The following ZNF302 variants were observed in gnomAD, a reference collection of about 807,000 sequenced individuals.
ZNF302 encodes zinc finger protein 327.
Under a neutral mutation model 10.8 loss-of-function variants are expected in ZNF302, and 12 were observed. That is an observed-to-expected ratio of 1.11 (90% CI 0.71 to 1.79). ZNF302 has a LOEUF of 1.79. Among genes scored for constraint, ZNF302 ranks in the 40% most tolerant of loss-of-function variants. ZNF302 has a pLI of 0.00. For synonymous variants in ZNF302, 178 were observed against 157.5 expected, an observed-to-expected ratio of 1.13 and a Z score of -0.98; for missense variants, 461 against 471.1, an observed-to-expected ratio of 0.98 and a Z score of 0.20.
Position 34,685,249 on chromosome 19 carries a change from A to G in ZNF302, c.*12A>G. 2 of 1,613,412 alleles carry G rather than the reference A, an allele frequency of 1.2e-6. No individual in the cohort carries two copies. Among genetic ancestry groups the G allele is most frequent in the Non-Finnish European group, 8.5e-7 (1 of 1,179,654 alleles). On this transcript the variant is annotated 3_prime_UTR_variant, in exon 5 of 5. Transcript: ENST00000505242. ...CGTTTGAAGTTTAGAAATGCAGGAA[A>G]TCCTTCAACCAGCTTGAATCACTGA...
chr19:34,676,428 G>C (rs1208325966), upstream of ZNF302: 1 of 152,194 alleles, frequency 6.6e-6, no homozygotes, highest in Non-Finnish European at 1.5e-5. Flanking sequence ...CCTCAGCTCC[G>C]AGAAATTGAA....
upstream of ZNF302, chr19:34,676,563 T>C (rs1441254378): frequency 6.6e-6 from 1 of 152,120 alleles, no homozygotes; most frequent in Non-Finnish European, 1.5e-5. Flanking sequence ...GGAGTACCCA[T>C]TGTTTCTTTA....
At position 34,682,886 on chromosome 19, in the gene ZNF302, T is replaced by C. The variant is rs775192370; in HGVS notation, c.119T>C (p.Leu40Pro). 6.2e-7 allele frequency: 1 copy of C among 1,613,830 alleles called. No homozygotes were observed. Among genetic ancestry groups the C allele is most frequent in the Admixed American group, 1.7e-5 (1 of 60,012 alleles). ...GTGATGGTCCAGAATTATGAGAACC[T>C]GGTCTCTGTAGGTAAGGATATCACC... Reference protein sequence around the residue: ...KDVMVQNYENLVSVGLSVTKP... With the variant: ...KDVMVQNYENPVSVGLSVTKP... The change falls in exon 3 of 5, where the codon CTG (leucine) becomes CCG (proline). Residue 40 changes from leucine to proline, a missense_variant. Transcript: ENST00000505242.
chr19:34,679,833 G>T (rs780741018), intron 2 of ZNF302: 4 of 702,670 alleles, frequency 5.7e-6, no homozygotes, highest in South Asian at 3.0e-5. Context: ...TATAGCGTCA[G>T]TACCCAGAGT....
intron 2 of ZNF302, 134 bp from the exon 3 acceptor site, chr19:34,682,643 C>A (rs919908403): frequency 2.2e-6 from 3 of 1,333,448 alleles, no homozygotes; most frequent in Non-Finnish European, 2.1e-6. Context: ...ACTTACCTGA[C>A]ATCACATTCC....
In ZNF302 at chr19:34,683,157, C is replaced by CTATATT. The variant is rs2068448620; in HGVS notation, c.134_135insATATTT (p.Leu45_Ser46insTyrPhe). 1 of 1,614,060 alleles carries CTATATT rather than the reference C, an allele frequency of 6.2e-7. No homozygotes were observed. The highest frequency in any genetic ancestry group is 1.3e-5 in the African/African-American group (1 of 75,030). On this transcript the variant is annotated inframe_insertion, in exon 4 of 5. Transcript: ENST00000505242. ...TTCTATATTTTTCCTGTAAGCAGGTCTTTCCGTAACTAAGCCATATGTGAT... is the reference window on the plus strand; with the variant it reads ...TTCTATATTTTTCCTGTAAGCAGGTCTATATTTTTCCGTAACTAAGCCATATGTGAT...
Position 34,684,896 on chromosome 19 carries a change from T to G in ZNF302, c.859T>G (p.Cys287Gly), listed in dbSNP as rs371231840. 35 of 1,613,970 alleles carry G rather than the reference T, an allele frequency of 2.2e-5. No individual in the cohort carries two copies. The highest frequency in any genetic ancestry group is 2.9e-5 in the Non-Finnish European group (34 of 1,179,872). ...TCACACGGGAGAGAAACCGTATGAA[T>G]GTATGAACTGTGGAAAGTCTTTTAG... The part of the protein sequence containing the change: ...STHTGEKPYE[C>G]MNCGKSFSRV... The change falls in exon 5 of 5, where the codon TGT becomes GGT. Residue 287 changes from cysteine to glycine, a missense_variant. Cys to Gly is a radical substitution (Grantham distance 159). Coordinates refer to ENST00000505242, the MANE Select transcript of ZNF302 (RefSeq NM_001289187.2).
At chr19:34,677,269 G>C (rs1322784436), upstream of ZNF302, 1 of 152,148 alleles carries the variant, frequency 6.6e-6, no homozygotes, top group Admixed American at 6.5e-5. Context: ...TACCAGCAAG[G>C]GCTGCCCATG....
At chr19:34,678,909 A>G in intron 2 of ZNF302, 96 bp downstream of exon 2, 1 of 1,426,928 alleles carries the variant, frequency 7.0e-7, no homozygotes, top group African/African-American at 1.4e-5. Flanking sequence ...AATCAAGTCC[A>G]TTTAAGGGAC....
At chr19:34,684,104 T>C in intron 4 of ZNF302, 148 bp from the exon 5 acceptor site, 10 of 1,524,994 alleles carry the variant, frequency 6.6e-6, no homozygotes, top group Non-Finnish European at 8.8e-6. Context: ...CAGAACTATG[T>C]GTTTTCTGGG....
chr19:34,684,642 C>T lies in ZNF302; in HGVS notation c.605C>T (p.Thr202Ile). The stretch of plus-strand genomic sequence containing the variant: ...ACTTGTAATAGAGAGAAAATCTATA[C>T]ATGCAGTGAATGTGGGAAAGCCTTT... ...PQTCNREKIYTCSECGKAFGK... is the reference protein window; with the variant it reads ...PQTCNREKIYICSECGKAFGK... The change falls in exon 5 of 5, where the codon ACA becomes ATA. Residue 202 changes from threonine to isoleucine, a missense_variant. Coordinates refer to ENST00000505242, the MANE Select transcript of ZNF302 (RefSeq NM_001289187.2). The T allele has an allele frequency of 1.2e-6, 2 of 1,614,088 alleles. No homozygotes were observed. Among genetic ancestry groups the T allele is most frequent in the African/African-American group, 2.7e-5 (2 of 75,056 alleles).
At position 34,685,055 on chromosome 19, in the gene ZNF302, C is replaced by A; in HGVS notation, c.1018C>A (p.Pro340Thr). 1 of 1,613,016 alleles carries A rather than the reference C, an allele frequency of 6.2e-7. No individual in the cohort carries two copies. The highest frequency in any genetic ancestry group is 8.5e-7 in the Non-Finnish European group (1 of 1,179,572). ...HHQKSHTGEK[P>T]YECRECGKAF... ...TCAGAAAAGCCATACTGGAGAGAAG[C>A]CTTATGAATGTAGAGAATGTGGGAA... Residue 340 changes from proline to threonine, a missense_variant, in exon 5 of 5, where the codon CCT (proline) becomes ACT (threonine). Physicochemically the swap from Pro to Thr is conservative, Grantham distance 38 (BLOSUM62 -1). Coordinates refer to ENST00000505242, the MANE Select transcript of ZNF302 (RefSeq NM_001289187.2).
In ZNF302 at chr19:34,682,898, G is replaced by C; in HGVS notation, c.130+1G>C. On this transcript the variant is annotated splice_donor_variant, in intron 3 of 4. Coordinates refer to ENST00000505242, the MANE Select transcript of ZNF302 (RefSeq NM_001289187.2). LOFTEE classifies it high-confidence loss of function. Reference sequence around the variant, plus strand: ...AATTATGAGAACCTGGTCTCTGTAGGTAAGGATATCACCCCTTCCACTCCA... The same window carrying C: ...AATTATGAGAACCTGGTCTCTGTAGCTAAGGATATCACCCCTTCCACTCCA... The C allele has an allele frequency of 3.7e-6, 6 of 1,613,616 alleles. No homozygotes were observed. Among genetic ancestry groups the C allele is most frequent in the Non-Finnish European group, 3.4e-6 (4 of 1,179,668 alleles).
chr19:34,683,058 G>T (rs398809), intron 3 of ZNF302, 97 bp from the exon 4 acceptor site: 6 of 1,579,860 alleles, frequency 3.8e-6, no homozygotes, highest in Non-Finnish European at 4.3e-6. Context: ...TTCCATTTCA[G>T]TGAACACCCT....
upstream of ZNF302, chr19:34,676,516 T>C (rs560575706): frequency 1.3e-5 from 2 of 152,284 alleles, no homozygotes; most frequent in South Asian, 4.1e-4. Context: ...AATACAAGTA[T>C]CCCTAGTCCA....
At position 34,684,852 on chromosome 19, in the gene ZNF302, T is replaced by G. The variant is rs780923385; in HGVS notation, c.815T>G (p.Leu272Arg). ...AAGGCCTTTAGCCATGGCTCATCAC[T>G]TACTAACCATCAGAGCACTCACACG... ...CGKAFSHGSSLTNHQSTHTGE... is the reference protein window; with the variant it reads ...CGKAFSHGSSRTNHQSTHTGE... The change falls in exon 5 of 5, where the codon CTT becomes CGT. Residue 272 changes from leucine to arginine, a missense_variant. Physicochemically the swap from Leu to Arg is moderately radical, Grantham distance 102. Transcript: ENST00000505242. 1.9e-6 allele frequency: 3 copies of G among 1,613,716 alleles called. No individual in the cohort carries two copies. In the African/African-American group the frequency reaches 4.0e-5, roughly 22 times the overall value.
chr19:34,680,051 T>C, intron 2 of ZNF302: 2 of 653,634 alleles, frequency 3.1e-6, no homozygotes, highest in East Asian at 2.7e-5. Flanking sequence ...AGTGCATGCC[T>C]GTTGTCCCAG....
intron 4 of ZNF302, 85 bp downstream of exon 4, chr19:34,683,323 GA>G: frequency 6.8e-7 from 1 of 1,469,650 alleles, no homozygotes. Flanking sequence ...GCATTTTAGG[GA>G]TACTGTCTTC....
intron 2 of ZNF302, chr19:34,679,743 A>G (rs2145279542): frequency 3.2e-6 from 2 of 625,788 alleles, no homozygotes; most frequent in East Asian, 5.5e-5. Context: ...TCACTAGCTG[A>G]TGTACTGTAT....
Sources: allele counts gnomAD v4.1 joint callset, GRCh38; gene constraint gnomAD v4.1.1; transcripts MANE v1.5; gene names NCBI Gene and HGNC (gene_info 2026-07-23, HGNC 2026-07-21).